The following KATNIP variants were observed in gnomAD, a reference collection of about 807,000 sequenced individuals.
The protein encoded by KATNIP is katanin-interacting protein.
In KATNIP, 126 loss-of-function variants were observed where a neutral mutation model predicts 174.0. The ratio of observed to expected loss-of-function variants is 0.72; its 90% confidence interval spans 0.63 to 0.84. The LOEUF is 0.84. Among genes scored for constraint, KATNIP ranks in the 40% least tolerant of loss-of-function variants. The pLI is 0.00. For missense variants in KATNIP, 1,958 were observed against 2,109.7 expected (o/e 0.93, Z 1.41); for synonymous variants, 810 against 835.7 (o/e 0.97, Z 0.53).
chr16:27,599,800 G>A (rs1434158839), intron 2 of KATNIP, among the ~76,000 whole-genome samples: 6 of 152,192 alleles, frequency 3.9e-5, no homozygotes, highest in Non-Finnish European at 8.8e-5. Context: ...AACTCCTGCC[G>A]TGGGCACGCG....
intron 15 of KATNIP, among the ~76,000 whole-genome samples, chr16:27,749,282 C>T (rs2081402039): frequency 6.6e-6 from 1 of 152,208 alleles, no homozygotes; most frequent in Non-Finnish European, 1.5e-5. Flanking sequence ...TGATCATAGA[C>T]AATTATTTTA....
chr16:27,765,080 A>T, intron 19 of KATNIP, among the ~76,000 whole-genome samples: 1 of 152,132 alleles, frequency 6.6e-6, no homozygotes, highest in Middle Eastern at 3.2e-3. Flanking sequence ...TTCTCCCAGT[A>T]CAGCAGCTGT....
intron 5 of KATNIP, chr16:27,632,666 G>A (rs1048025821): frequency 4.4e-6 from 2 of 455,602 alleles, no homozygotes; most frequent in African/African-American, 4.0e-5. Context: ...GAAGGGAGGG[G>A]CAGCAGGCAG....
intron 5 of KATNIP, among the ~76,000 whole-genome samples, chr16:27,641,149 AAAG>A (rs1218632390): frequency 7.9e-5 from 12 of 151,928 alleles, no homozygotes; most frequent in Admixed American, 7.9e-4. Context: ...AAAAAAAAAA[AAAG>A]GAGAGAGAGA....
intron 17 of KATNIP, 89 bp from the exon 18 acceptor site, chr16:27,754,084 G>A (rs1275926212): frequency 9.4e-7 from 1 of 1,058,526 alleles, no homozygotes; most frequent in East Asian, 2.4e-5. Context: ...AGGGTGGGCA[G>A]TGGTAAATGC....
chr16:27,603,761 G>C (rs2075613944), intron 2 of KATNIP, among the ~76,000 whole-genome samples: 1 of 143,098 alleles, frequency 7.0e-6, no homozygotes, highest in South Asian at 2.2e-4. Flanking sequence ...TTTTGAGATA[G>C]AGTGTCCCTC....
At chr16:27,675,214 G>T (rs1487178842) in intron 6 of KATNIP, among the ~76,000 whole-genome samples, 4 of 152,214 alleles carry the variant, frequency 2.6e-5, no homozygotes, top group Admixed American at 6.5e-5. Context: ...AAGGAGCAAA[G>T]TCACAGCTTA....
At chr16:27,660,943 G>T (rs1301711765) in intron 6 of KATNIP, among the ~76,000 whole-genome samples, 26 of 152,172 alleles carry the variant, frequency 1.7e-4, no homozygotes, top group Non-Finnish European at 4.4e-5. Context: ...CTGGCATAGA[G>T]TTGGTCTGCA....
chr16:27,725,555 G>A (rs888839962), intron 14 of KATNIP, among the ~76,000 whole-genome samples: 6 of 152,152 alleles, frequency 3.9e-5, no homozygotes, highest in Non-Finnish European at 5.9e-5. Flanking sequence ...AGACAAAGCC[G>A]GGAAGGGAAA....
chr16:27,655,180 A>G (rs866912547), intron 6 of KATNIP, among the ~76,000 whole-genome samples: 160 of 784 alleles, frequency 0.2, 1 homozygote, highest in African/African-American at 0.41. Flanking sequence ...TAGAATGGAT[A>G]TATATATATA....
chr16:27,713,780 T>TAC lies in KATNIP; in HGVS notation c.1605+4861_1605+4862insCA, dbSNP rs1446554029. On this transcript the variant is annotated intron_variant, in intron 13 of 27. Coordinates refer to ENST00000261588, the MANE Select transcript of KATNIP (RefSeq NM_015202.5). Reference sequence around the variant, plus strand: ...GTGTGTGTATATGTATATATACACATATTATATATGTGTGTGTGTGTGTAT... The same window carrying TAC: ...GTGTGTGTATATGTATATATACACATACATTATATATGTGTGTGTGTGTGTAT... Among the ~76,000 whole-genome samples, 34 of 125,206 alleles carry TAC rather than the reference T, an allele frequency of 2.7e-4. 3 individuals carry two copies. The highest frequency in any genetic ancestry group is 4.1e-4 in the African/African-American group (14 of 33,770). The allele number at this position is 125,206 out of a possible 152,430, so 82.1% of individuals were successfully genotyped here. A position where few individuals can be genotyped will look rare whatever the true frequency, so the allele number is the denominator to read the frequency against.
chr16:27,613,678 A>G (rs1313344254), intron 2 of KATNIP, among the ~76,000 whole-genome samples: 1 of 152,174 alleles, frequency 6.6e-6, no homozygotes, highest in East Asian at 1.9e-4. Flanking sequence ...GTGAAGATCA[A>G]AGGAGAATCG....
chr16:27,778,209 G>C (rs148891776), intron 27 of KATNIP, among the ~76,000 whole-genome samples: 1 of 152,220 alleles, frequency 6.6e-6, no homozygotes, highest in African/African-American at 2.4e-5. Flanking sequence ...TCTAAGTGTC[G>C]TGGGCACAGA....
intron 1 of KATNIP, among the ~76,000 whole-genome samples, chr16:27,562,231 C>T (rs535992578): frequency 6.6e-6 from 1 of 152,246 alleles, no homozygotes; most frequent in South Asian, 2.1e-4. Flanking sequence ...CACTGAAGCC[C>T]AGAAGGTTGA....
Position 27,713,815 on chromosome 16 carries a change from T to C in KATNIP, c.1605+4895T>C, listed in dbSNP as rs60724520. On this transcript the variant is annotated intron_variant, in intron 13 of 27. Coordinates refer to ENST00000261588, the MANE Select transcript of KATNIP (RefSeq NM_015202.5). ...GTGTGTGTGTGTGTATATACATATATATATATATATATATATATATATATA... is the reference window on the plus strand; with the variant it reads ...GTGTGTGTGTGTGTATATACATATACATATATATATATATATATATATATA... Among the ~76,000 whole-genome samples the C allele has an allele frequency of 2.5e-3, 72 of 28,734 alleles. 3 individuals are homozygous for C. The highest frequency in any genetic ancestry group is 5.7e-3 in the African/African-American group (26 of 4,536). The allele number at this position is 28,734 out of a possible 152,430, so 18.9% of individuals were successfully genotyped here. A position where few individuals can be genotyped will look rare whatever the true frequency, so the allele number is the denominator to read the frequency against.
intron 1 of KATNIP, among the ~76,000 whole-genome samples, chr16:27,568,355 AG>A (rs2090164095): frequency 2.0e-5 from 3 of 152,376 alleles, no homozygotes; most frequent in Non-Finnish European, 2.9e-5. Flanking sequence ...ATTTGTGGAC[AG>A]ATGTCTTCAC....
rs8054897 is a variant in KATNIP, at chr16:27,661,955, T to C, written c.540+13220T>C. 5.2e-3 allele frequency among the ~76,000 whole-genome samples: 217 copies of C among 41,490 alleles called. 12 individuals are homozygous for C. The highest frequency in any genetic ancestry group is 0.027 in the Middle Eastern group (2 of 74). 27.2% of individuals were successfully genotyped at this position (41,490 alleles called of 152,430 possible). On this transcript the variant is annotated intron_variant, in intron 6 of 27. Transcript: ENST00000261588. ...ATATATATATATATATATATATATA[T>C]ACACATACATATATATATATATATA...
chr16:27,635,340 G>A (rs1479358191), intron 5 of KATNIP, among the ~76,000 whole-genome samples: 1 of 152,100 alleles, frequency 6.6e-6, no homozygotes, highest in East Asian at 1.9e-4. Context: ...TGCAGTATTT[G>A]GCTTTCTGGC....
rs773853289 is a variant in KATNIP at position 27,677,992 on chromosome 16, CA to C, written c.808del (p.Ser270ValfsTer28). ...TGGTGCTGGAATTTAACCCAGCTTC[CA>C]AAAGTGAGCTCTGTCTTGTATATCA... ...LVVLEFNPAS[K>X]SHKRERNLSA... On this transcript the variant is annotated frameshift_variant, in exon 7 of 28. Transcript: ENST00000261588. LOFTEE classifies it high-confidence loss of function. The C allele has an allele frequency of 2.9e-5, 46 of 1,613,558 alleles. 2 individuals are homozygous for C. The highest frequency in any genetic ancestry group is 3.5e-5 in the Non-Finnish European group (41 of 1,179,610).
Sources: allele counts gnomAD v4.1 joint callset (sites outside exome capture counted in the v4.1 genomes callset), GRCh38; gene constraint gnomAD v4.1.1; transcripts MANE v1.5; gene names NCBI Gene and HGNC (gene_info 2026-07-23, HGNC 2026-07-21).